Variants in CCDC85C observed in about 807,000 individuals in gnomAD.
CCDC85C encodes the protein coiled-coil domain-containing protein 85C.
In CCDC85C, 18 loss-of-function variants were observed where a neutral mutation model predicts 38.3. That is an observed-to-expected ratio of 0.47 (90% CI 0.33 to 0.70). The LOEUF is 0.70. Ranked by LOEUF, CCDC85C falls within the 30% of genes least tolerant of loss-of-function variation. The pLI, the probability that CCDC85C is intolerant of heterozygous loss-of-function variation, is 0.03. For missense variants in CCDC85C, 566 were observed against 621.2 expected (o/e 0.91, Z 0.94); for synonymous variants, 264 against 293.8 (o/e 0.90, Z 1.04).
chr14:99,603,298 TG>T lies in CCDC85C; in HGVS notation c.661del (p.His221ThrfsTer58). The T allele has an allele frequency of 7.3e-7, 1 of 1,370,416 alleles. No individual in the cohort carries two copies. The allele number at this position is 1,370,416 out of a possible 1,614,324, so 84.9% of individuals were successfully genotyped here. On this transcript the variant is annotated frameshift_variant, in exon 1 of 6. Transcript: ENST00000380243. LOFTEE classifies it high-confidence loss of function. The surrounding 1 kb of genome is among the most constrained non-coding windows in gnomAD (Gnocchi z 7.5). Reference sequence around the variant, plus strand: ...GGGCAGCAGCGGGGGTGGGACGTGGTGGTGGTGGTCGGGGCTGCCGCCGCTG... The same window carrying T: ...GGGCAGCAGCGGGGGTGGGACGTGGTGTGGTGGTCGGGGCTGCCGCCGCTG... Reference protein sequence around the residue: ...AGSGGSPDHHHHVPPPLLPPG... With the variant: ...AGSGGSPDHHXHVPPPLLPPG...
At chr14:99,546,434 C>T (rs1227951494) in intron 1 of CCDC85C, among the ~76,000 whole-genome samples, 1 of 151,996 alleles carries the variant, frequency 6.6e-6, no homozygotes, top group East Asian at 1.9e-4. Flanking sequence ...GAGAGCGGCT[C>T]AGGGAAGGCA....
chr14:99,574,758 A>C (rs1271949348), intron 1 of CCDC85C, among the ~76,000 whole-genome samples: 1 of 152,172 alleles, frequency 6.6e-6, no homozygotes, highest in African/African-American at 2.4e-5. Context: ...AGGTGGCCTG[A>C]CCACTCACAG....
In CCDC85C at chr14:99,536,020, C is replaced by T. The variant is rs1013959265; in HGVS notation, c.862G>A (p.Ala288Thr). 20 of 1,551,272 alleles carry T rather than the reference C, an allele frequency of 1.3e-5. No individual in the cohort carries two copies. Among genetic ancestry groups the T allele is most frequent in the Admixed American group, 3.9e-5 (2 of 50,998 alleles). Reference protein sequence around the residue: ...VRLLEGDKLLAQQAGSGEFRT... With the variant: ...VRLLEGDKLLTQQAGSGEFRT... Reference sequence around the variant, plus strand: ...GCCACCCGAAGCCGGCCTACCTGTGCGAGGAGCTTGTCACCCTCCAGCAGC... The same window carrying T: ...GCCACCCGAAGCCGGCCTACCTGTGTGAGGAGCTTGTCACCCTCCAGCAGC... The change falls in exon 2 of 6, where the codon GCA becomes ACA. Residue 288 changes from alanine (A) to threonine (T), a missense_variant. Transcript: ENST00000380243.
At position 99,571,270 on chromosome 14, in the gene CCDC85C, C is replaced by A. The variant is rs1030120410; in HGVS notation, c.793+31897G>T. Among the ~76,000 whole-genome samples the A allele has an allele frequency of 8.5e-5, 13 of 152,276 alleles. No homozygotes were observed. In the South Asian group the frequency reaches 2.7e-3, roughly 32 times the overall value. ...TAACCTGGGCCTCACAAACTCCCTC[C>A]CCAGGCCATCTCGCCAAGGCCTGCC... On this transcript the variant is annotated intron_variant, in intron 1 of 5. Coordinates refer to ENST00000380243, the MANE Select transcript of CCDC85C (RefSeq NM_001144995.2).
intron 2 of CCDC85C, among the ~76,000 whole-genome samples, chr14:99,523,613 C>T (rs1008502028): frequency 6.6e-6 from 1 of 152,194 alleles, no homozygotes; most frequent in Non-Finnish European, 1.5e-5. Flanking sequence ...CCAGGGCAGC[C>T]GGGCACTGGA....
intron 2 of CCDC85C, among the ~76,000 whole-genome samples, chr14:99,526,662 C>T (rs1366705690): frequency 6.6e-6 from 1 of 152,196 alleles, no homozygotes; most frequent in Non-Finnish European, 1.5e-5. Flanking sequence ...GACCTCCCTC[C>T]AGGAAGACGA....
At chr14:99,583,444 C>T (rs555179711) in intron 1 of CCDC85C, among the ~76,000 whole-genome samples, 1 of 137,682 alleles carries the variant, frequency 7.3e-6, no homozygotes, top group South Asian at 2.3e-4. Context: ...GCGGAGGTTA[C>T]AATGAGCCAA....
intron 1 of CCDC85C, among the ~76,000 whole-genome samples, chr14:99,591,427 A>G (rs1240740563): frequency 6.6e-6 from 1 of 151,718 alleles, no homozygotes. Context: ...GGGGCTGCGG[A>G]GGCTGCCACG....
Position 99,603,174 on chromosome 14 carries a change from G to A in CCDC85C, c.786C>T (p.Gly262=). The change falls in exon 1 of 6, where the codon GGC becomes GGT. Residue 262 remains glycine, a synonymous_variant. Coordinates refer to ENST00000380243, the MANE Select transcript of CCDC85C (RefSeq NM_001144995.2). The surrounding 1 kb of genome is among the most constrained non-coding windows in gnomAD (Gnocchi z 7.5). ...APPHHRSIPN[G]LHDPSSTYIR... ...GGCCCGTGTAGTCCTTACCGTGCAG[G>A]CCGTTGGGGATGCTGCGGTGGTGCG... 7.1e-7 allele frequency: 1 copy of A among 1,400,906 alleles called. No homozygotes were observed. The highest frequency in any genetic ancestry group is 9.3e-7 in the Non-Finnish European group (1 of 1,079,544). The allele number at this position is 1,400,906 out of a possible 1,614,324, so 86.8% of individuals were successfully genotyped here.
At chr14:99,539,904 T>C (rs1897677844) in intron 1 of CCDC85C, among the ~76,000 whole-genome samples, 1 of 152,056 alleles carries the variant, frequency 6.6e-6, no homozygotes, top group African/African-American at 2.4e-5. Context: ...CCCAGCACTT[T>C]GGGAGGCCGA....
rs996686234 is a variant in CCDC85C at position 99,501,196 on chromosome 14, T to C, written c.*14050A>G. ...GTAGGTCATGAGGAGGAAGAAGGGG[T>C]AGGATGTGGACCCACATCATTCATC... is the stretch of plus-strand genomic sequence containing the variant. On this transcript the variant is annotated 3_prime_UTR_variant, in exon 6 of 6. Coordinates refer to ENST00000380243, the MANE Select transcript of CCDC85C (RefSeq NM_001144995.2). The C allele has an allele frequency of 1.6e-6, 1 of 627,464 alleles. No individual in the cohort carries two copies. The highest frequency in any genetic ancestry group is 1.8e-5 in the African/African-American group (1 of 54,568). The allele number at this position is 627,464 out of a possible 1,614,324, so 38.9% of individuals were successfully genotyped here. A position where few individuals can be genotyped will look rare whatever the true frequency, so the allele number is the denominator to read the frequency against.
chr14:99,588,729 C>CT lies in CCDC85C; in HGVS notation c.793+14437dup. 6.6e-6 allele frequency among the ~76,000 whole-genome samples: 1 copy of CT among 151,920 alleles called. No homozygotes were observed. The highest frequency in any genetic ancestry group is 2.0e-4 in the East Asian group (1 of 5,124). On this transcript the variant is annotated intron_variant, in intron 1 of 5. Coordinates refer to ENST00000380243, the MANE Select transcript of CCDC85C (RefSeq NM_001144995.2). The surrounding 1 kb of genome is among the most constrained non-coding windows in gnomAD (Gnocchi z 5.0). The stretch of plus-strand genomic sequence containing the variant: ...GGTCCTGAAGTAAGAAACCAGGCCA[C>CT]TGCAGGTCTTCAAAGCCCCAAGCAG...
At position 99,514,422 on chromosome 14, in the gene CCDC85C, A is replaced by T. The variant is rs1027037301; in HGVS notation, c.*824T>A. Reference sequence around the variant, plus strand: ...CAGTGCTGCCCATCAGGAAAATCACATGTGGCTCAGCCCAGAAACTCTCCC... The same window carrying T: ...CAGTGCTGCCCATCAGGAAAATCACTTGTGGCTCAGCCCAGAAACTCTCCC... On this transcript the variant is annotated 3_prime_UTR_variant, in exon 6 of 6. Coordinates refer to ENST00000380243, the MANE Select transcript of CCDC85C (RefSeq NM_001144995.2). The T allele has an allele frequency of 1.3e-5, 2 of 152,306 alleles. No homozygotes were observed. Among genetic ancestry groups the T allele is most frequent in the Non-Finnish European group, 2.9e-5 (2 of 68,150 alleles). 9.4% of individuals were successfully genotyped at this position (152,306 alleles called of 1,614,324 possible).
At chr14:99,526,464 T>C (rs914142827) in intron 2 of CCDC85C, among the ~76,000 whole-genome samples, 4 of 152,312 alleles carry the variant, frequency 2.6e-5, no homozygotes, top group Admixed American at 2.6e-4. Flanking sequence ...CCAGTTCACA[T>C]TTCCCACCAA....
intron 2 of CCDC85C, among the ~76,000 whole-genome samples, chr14:99,525,921 C>G (rs1424241848): frequency 1.3e-5 from 2 of 152,234 alleles, no homozygotes; most frequent in African/African-American, 4.8e-5. Context: ...GGATGGCTGA[C>G]AGGTGAGCAT....
intron 1 of CCDC85C, among the ~76,000 whole-genome samples, chr14:99,542,246 G>C (rs887374558): frequency 1.3e-5 from 2 of 152,202 alleles, no homozygotes; most frequent in Non-Finnish European, 2.9e-5. Flanking sequence ...AAACGAACAC[G>C]TACTTCCCAC....
chr14:99,553,978 C>T (rs1356298043), intron 1 of CCDC85C, among the ~76,000 whole-genome samples: 2 of 152,200 alleles, frequency 1.3e-5, no homozygotes, highest in African/African-American at 4.8e-5. Context: ...TGATTCTGCA[C>T]TCTGGGAGAG....
At chr14:99,518,536 C>G (rs1209718649) in intron 3 of CCDC85C, among the ~76,000 whole-genome samples, 11 of 151,504 alleles carry the variant, frequency 7.3e-5, no homozygotes, top group Non-Finnish European at 1.6e-4. Context: ...GGGAACCCAA[C>G]AGGGACGCTG....
intron 2 of CCDC85C, among the ~76,000 whole-genome samples, chr14:99,530,146 A>G (rs575590059): frequency 1.3e-5 from 2 of 152,154 alleles, no homozygotes; most frequent in African/African-American, 2.4e-5. Context: ...CACTCCTTAC[A>G]CTGCTGGTGC....
Sources: gnomAD v4.1 joint callset for allele counts (sites outside exome capture counted in the v4.1 genomes callset) on GRCh38, gnomAD v4.1.1 for gene constraint, Gnocchi (gnomAD v3.1) non-coding constraint, MANE v1.5 for transcripts, NCBI Gene and HGNC (gene_info 2026-07-23, HGNC 2026-07-21) for gene names.